Variants in CSMD1 observed in about 807,000 individuals in gnomAD.
The protein encoded by CSMD1 is CUB and sushi domain-containing protein 1.
In CSMD1, 213 loss-of-function variants were observed where a neutral mutation model predicts 417.5. The observed-to-expected ratio is 0.51, with a 90% confidence interval of 0.46 to 0.57. The LOEUF (loss-of-function observed/expected upper bound fraction) is 0.57, where lower values mean the gene tolerates loss of function less well. Ranked by LOEUF, CSMD1 falls within the 20% of genes least tolerant of loss-of-function variation. CSMD1 has a pLI of 0.00. For missense variants in CSMD1, 6,923 were observed against 4,529.7 expected (o/e 1.53, Z -15.17); for synonymous variants, 2,862 against 1,736.8 (o/e 1.65, Z -16.11).
intron 18 of CSMD1, among the ~76,000 whole-genome samples, chr8:3,378,019 T>C (rs995614108): frequency 2.6e-5 from 4 of 152,144 alleles, no homozygotes; most frequent in African/African-American, 9.7e-5. Context: ...CAAGGCTGAG[T>C]GTGACCTGGT....
At chr8:4,780,144 T>A (rs932132090) in intron 1 of CSMD1, among the ~76,000 whole-genome samples, 1 of 152,182 alleles carries the variant, frequency 6.6e-6, no homozygotes, top group Non-Finnish European at 1.5e-5. Flanking sequence ...ACTTGTGCCA[T>A]AATTGGCCAG....
At chr8:4,770,741 G>A (rs143990101) in intron 1 of CSMD1, among the ~76,000 whole-genome samples, 7 of 152,100 alleles carry the variant, frequency 4.6e-5, no homozygotes, top group African/African-American at 1.7e-4. Flanking sequence ...AATGGTGTTA[G>A]GAAAACAAGA....
chr8:3,982,675 G>A (rs1038411158), intron 5 of CSMD1, among the ~76,000 whole-genome samples: 2 of 152,034 alleles, frequency 1.3e-5, no homozygotes, highest in Non-Finnish European at 2.9e-5. Flanking sequence ...TGAGACCAGG[G>A]TGGCGGACCG....
intron 12 of CSMD1, among the ~76,000 whole-genome samples, chr8:3,425,342 C>A (rs868813588): frequency 6.6e-6 from 1 of 151,708 alleles, no homozygotes; most frequent in Non-Finnish European, 1.5e-5. Flanking sequence ...GTAATCCCAG[C>A]ACTTTGGGAG....
intron 3 of CSMD1, among the ~76,000 whole-genome samples, chr8:4,104,381 G>A (rs1295912074): frequency 6.6e-6 from 1 of 152,134 alleles, no homozygotes; most frequent in Admixed American, 6.6e-5. Context: ...GCACAGGGCA[G>A]TACTACACAC....
At chr8:4,510,648 C>G (rs1802774309) in intron 2 of CSMD1, among the ~76,000 whole-genome samples, 2 of 141,948 alleles carry the variant, frequency 1.4e-5, no homozygotes, top group African/African-American at 5.3e-5. Flanking sequence ...TCCTTCCCTC[C>G]TCTCTTCCTT....
intron 1 of CSMD1, among the ~76,000 whole-genome samples, chr8:4,882,187 G>A (rs1803448489): frequency 6.6e-6 from 1 of 151,990 alleles, no homozygotes; most frequent in African/African-American, 2.4e-5. Context: ...GCACTAGACG[G>A]TGGTGTACAC....
At chr8:4,060,174 C>G (rs1440271460) in intron 3 of CSMD1, among the ~76,000 whole-genome samples, 2 of 152,104 alleles carry the variant, frequency 1.3e-5, no homozygotes, top group African/African-American at 4.8e-5. Flanking sequence ...AGCATATAAA[C>G]AGAACCAAAG....
chr8:3,817,779 G>A (rs533913968), intron 5 of CSMD1, among the ~76,000 whole-genome samples: 2 of 152,096 alleles, frequency 1.3e-5, no homozygotes, highest in Admixed American at 6.6e-5. Context: ...AAGCCCCAAT[G>A]CAGACCAAAG....
At chr8:4,363,983 C>T (rs1362756618) in intron 3 of CSMD1, among the ~76,000 whole-genome samples, 2 of 151,998 alleles carry the variant, frequency 1.3e-5, no homozygotes, top group Admixed American at 1.3e-4. Flanking sequence ...TTTTTGCTAG[C>T]ATAACAGGTT....
At chr8:4,297,451 G>C (rs1309233901) in intron 3 of CSMD1, among the ~76,000 whole-genome samples, 1 of 152,120 alleles carries the variant, frequency 6.6e-6, no homozygotes, top group East Asian at 1.9e-4. Context: ...GACATCAGTT[G>C]CTGGGCGTCC....
chr8:4,614,772 C>G (rs2617110), intron 2 of CSMD1, among the ~76,000 whole-genome samples: 45,332 of 151,932 alleles, frequency 0.3, 6,898 homozygotes, highest in South Asian at 0.39. Context: ...ATAATTTAGA[C>G]TACAATATGT....
chr8:3,375,944 A>T (rs756931893), intron 18 of CSMD1, among the ~76,000 whole-genome samples: 2 of 152,164 alleles, frequency 1.3e-5, no homozygotes, highest in Non-Finnish European at 2.9e-5. Flanking sequence ...CATCTTAAAG[A>T]TGTATCTCCA....
intron 3 of CSMD1, among the ~76,000 whole-genome samples, chr8:4,064,477 T>C (rs769929183): frequency 5.9e-5 from 9 of 152,234 alleles, no homozygotes; most frequent in Admixed American, 6.5e-5. Flanking sequence ...TGTAGCTGTC[T>C]AGAGCTGCAT....
At chr8:3,965,608 CTTTT>C (rs111436726) in intron 5 of CSMD1, among the ~76,000 whole-genome samples, 1 of 151,392 alleles carries the variant, frequency 6.6e-6, no homozygotes, top group African/African-American at 2.4e-5. Flanking sequence ...TTTAAAATTT[CTTTT>C]TATTTATTTA....
At chr8:3,905,882 A>G (rs1808073666) in intron 5 of CSMD1, among the ~76,000 whole-genome samples, 2 of 152,162 alleles carry the variant, frequency 1.3e-5, no homozygotes, top group African/African-American at 2.4e-5. Flanking sequence ...AAGGTTTCTG[A>G]TCTCTTACTA....
At chr8:4,631,187 C>G (rs973135245) in intron 2 of CSMD1, among the ~76,000 whole-genome samples, 5 of 151,908 alleles carry the variant, frequency 3.3e-5, no homozygotes, top group Admixed American at 3.3e-4. Flanking sequence ...ATGGTGAAAC[C>G]CTGTCTCTAT....
At position 3,943,136 on chromosome 8, in the gene CSMD1, A is replaced by G. The variant is rs80206912; in HGVS notation, c.818+54767T>C. On this transcript the variant is annotated intron_variant, in intron 5 of 69. Transcript: ENST00000635120. Reference sequence around the variant, plus strand: ...TTATGTTTGTCATTAAACAAGCTGAATGCATTGTTATCTTATGATAAATAA... The same window carrying G: ...TTATGTTTGTCATTAAACAAGCTGAGTGCATTGTTATCTTATGATAAATAA... 6.5e-3 allele frequency among the ~76,000 whole-genome samples: 984 copies of G among 152,256 alleles called. 47 individuals carry two copies. The East Asian group carries it at 0.12, about 18-fold the overall frequency.
At chr8:4,189,724 T>C (rs1201585031) in intron 3 of CSMD1, among the ~76,000 whole-genome samples, 1 of 152,170 alleles carries the variant, frequency 6.6e-6, no homozygotes, top group African/African-American at 2.4e-5. Context: ...GTATTCTAAT[T>C]AATACTTTTG....
Sources: allele counts gnomAD v4.1 joint callset (sites outside exome capture counted in the v4.1 genomes callset), GRCh38; gene constraint gnomAD v4.1.1; transcripts MANE v1.5; gene names NCBI Gene and HGNC (gene_info 2026-07-23, HGNC 2026-07-21).